Variants in PLCL1 observed in about 807,000 individuals in gnomAD.
PLCL1 encodes inactive phospholipase C-like protein 1.
In PLCL1, 41 loss-of-function variants were observed where a neutral mutation model predicts 84.4. That is an observed-to-expected ratio of 0.49 (90% CI 0.38 to 0.63). The LOEUF (loss-of-function observed/expected upper bound fraction) is 0.63. Among genes scored for constraint, PLCL1 ranks in the 30% least tolerant of loss-of-function variants. The pLI, the probability that PLCL1 is intolerant of heterozygous loss-of-function variation, is 0.00. For missense variants in PLCL1, 1,206 were observed against 1,367.8 expected, an observed-to-expected ratio of 0.88 and a Z score of 1.87; for synonymous variants, 490 against 488.3, an observed-to-expected ratio of 1.00 and a Z score of -0.05.
At chr2:197,864,147 T>C (rs1368701869) in intron 1 of PLCL1, among the ~76,000 whole-genome samples, 1 of 152,176 alleles carries the variant, frequency 6.6e-6, no homozygotes, top group Non-Finnish European at 1.5e-5. Context: ...GATATCTTGA[T>C]GGTGTAATTG....
At chr2:197,820,847 C>CT (rs1166994888) in intron 1 of PLCL1, among the ~76,000 whole-genome samples, 2 of 152,026 alleles carry the variant, frequency 1.3e-5, no homozygotes, top group Admixed American at 1.3e-4. Context: ...AAAGAATTTG[C>CT]TTTTTTACAA....
At chr2:197,907,499 A>C (rs187942017) in intron 1 of PLCL1, among the ~76,000 whole-genome samples, 193 of 152,256 alleles carry the variant, frequency 1.3e-3, no homozygotes, top group African/African-American at 4.3e-3. Flanking sequence ...AACTCAGTGT[A>C]GGTTGTTCCT....
chr2:197,840,366 G>A (rs542155049), intron 1 of PLCL1, among the ~76,000 whole-genome samples: 1 of 152,154 alleles, frequency 6.6e-6, no homozygotes, highest in East Asian at 1.9e-4. Flanking sequence ...ATGCCTCTCG[G>A]TGAGAAAATA....
intron 1 of PLCL1, among the ~76,000 whole-genome samples, chr2:197,918,179 C>T (rs1354962139): frequency 6.6e-6 from 1 of 152,176 alleles, no homozygotes; most frequent in Non-Finnish European, 1.5e-5. Flanking sequence ...CCTCCAAACC[C>T]ATAACCCCAG....
At chr2:198,061,117 C>T (rs1196476981) in intron 1 of PLCL1, among the ~76,000 whole-genome samples, 1 of 151,942 alleles carries the variant, frequency 6.6e-6, no homozygotes. Context: ...AATTCTAGTT[C>T]CATATGCTCG....
In PLCL1 at chr2:198,120,678, C is replaced by G. The variant is rs191649247; in HGVS notation, c.3105+16742C>G. Among the ~76,000 whole-genome samples, 200 of 152,078 alleles carry G rather than the reference C, an allele frequency of 1.3e-3. 1 individual carries two copies. Among genetic ancestry groups the G allele is most frequent in the Non-Finnish European group, 2.3e-3 (156 of 67,954 alleles). On this transcript the variant is annotated intron_variant, in intron 5 of 5. Coordinates refer to ENST00000428675, the MANE Select transcript of PLCL1 (RefSeq NM_006226.4). ...CAATCTTTTTTATGGCTGAATAGTA[C>G]TCCATATGTACTATCACATTTTCTT...
At chr2:198,096,404 C>A (rs1266525073) in intron 3 of PLCL1, among the ~76,000 whole-genome samples, 1 of 152,274 alleles carries the variant, frequency 6.6e-6, no homozygotes, top group African/African-American at 2.4e-5. Context: ...GATGGCCGAG[C>A]TTTTCCTTTT....
intron 1 of PLCL1, among the ~76,000 whole-genome samples, chr2:197,833,411 T>C (rs972444717): frequency 5.3e-5 from 8 of 152,172 alleles, no homozygotes; most frequent in Admixed American, 1.3e-4. Context: ...GATGGCATGA[T>C]TGTATATTTA....
At chr2:197,969,064 T>C (rs1390952736) in intron 1 of PLCL1, among the ~76,000 whole-genome samples, 3 of 152,150 alleles carry the variant, frequency 2.0e-5, no homozygotes, top group African/African-American at 7.2e-5. Flanking sequence ...TGGTAACTAT[T>C]TGTGAACTGC....
chr2:197,848,623 T>A (rs146062761), intron 1 of PLCL1, among the ~76,000 whole-genome samples: 2 of 152,246 alleles, frequency 1.3e-5, no homozygotes, highest in Non-Finnish European at 2.9e-5. Context: ...AACAAAACAT[T>A]TTGTGGCAAG....
intron 1 of PLCL1, among the ~76,000 whole-genome samples, chr2:198,027,902 T>G (rs1055599407): frequency 6.6e-6 from 1 of 152,146 alleles, no homozygotes. Context: ...GTGCAAATCA[T>G]AGCTCACTGC....
chr2:198,115,535 A>G (rs11904843), intron 5 of PLCL1, among the ~76,000 whole-genome samples: 5,993 of 151,922 alleles, frequency 0.039, 383 homozygotes, highest in African/African-American at 0.14. Flanking sequence ...AAAGTTGAGC[A>G]TTGTCAACAT....
At chr2:198,057,748 C>A (rs1460153522) in intron 1 of PLCL1, among the ~76,000 whole-genome samples, 1 of 152,186 alleles carries the variant, frequency 6.6e-6, no homozygotes, top group Non-Finnish European at 1.5e-5. Flanking sequence ...AAGGAATTTC[C>A]TCTGTCAGTC....
intron 1 of PLCL1, among the ~76,000 whole-genome samples, chr2:197,836,477 A>AT (rs1691191431): frequency 6.7e-6 from 1 of 149,330 alleles, no homozygotes; most frequent in African/African-American, 2.5e-5. Context: ...AAAAAAAAAA[A>AT]TCCTTACCTT....
intron 1 of PLCL1, among the ~76,000 whole-genome samples, chr2:198,041,718 T>A (rs1691669157): frequency 6.6e-6 from 1 of 152,126 alleles, no homozygotes; most frequent in Non-Finnish European, 1.5e-5. Context: ...AAGGAAGAAA[T>A]CATTGTGGAC....
At chr2:197,897,140 T>TGA (rs1688154665) in intron 1 of PLCL1, among the ~76,000 whole-genome samples, 1 of 30,498 alleles carries the variant, frequency 3.3e-5, no homozygotes, top group South Asian at 1.3e-3. Context: ...TTCTTCTTCT[T>TGA]CTTCTTCTTC....
At chr2:198,098,923 C>A (rs548110582) in intron 3 of PLCL1, among the ~76,000 whole-genome samples, 24 of 152,260 alleles carry the variant, frequency 1.6e-4, no homozygotes, top group Non-Finnish European at 2.9e-4. Flanking sequence ...ACTTTACACA[C>A]CCCTGCTCTG....
intron 1 of PLCL1, among the ~76,000 whole-genome samples, chr2:197,941,204 T>C (rs542877943): frequency 2.4e-4 from 36 of 152,260 alleles, no homozygotes; most frequent in African/African-American, 8.4e-4. Flanking sequence ...AACCAAATTA[T>C]GGGTTTTCCT....
chr2:198,007,466 A>G (rs1690754574), intron 1 of PLCL1, among the ~76,000 whole-genome samples: 3 of 152,214 alleles, frequency 2.0e-5, no homozygotes, highest in Admixed American at 2.0e-4. Context: ...CCATGAAGAC[A>G]TATGTGTGTA....
Sources: gnomAD v4.1 joint callset for allele counts (sites outside exome capture counted in the v4.1 genomes callset) on GRCh38, gnomAD v4.1.1 for gene constraint, MANE v1.5 for transcripts, NCBI Gene and HGNC (gene_info 2026-07-23, HGNC 2026-07-21) for gene names.